Variants in GOLGA1 observed in about 807,000 individuals in gnomAD.
GOLGA1 encodes the protein golgin subfamily A member 1.
In GOLGA1, 63 loss-of-function variants were observed where a neutral mutation model predicts 119.7. The ratio of observed to expected loss-of-function variants is 0.53; its 90% CI spans 0.43 to 0.65. The LOEUF (loss-of-function observed/expected upper bound fraction) is 0.65, where lower values mean the gene tolerates loss of function less well. Among genes scored for constraint, GOLGA1 ranks in the 30% least tolerant of loss-of-function variants. The probability of loss-of-function intolerance (pLI) is 0.00; values close to 1 mark genes in which losing one functional copy is unlikely to be tolerated. For missense variants in GOLGA1, 798 were observed against 912.8 expected, an observed-to-expected ratio of 0.87 and a Z score of 1.62; for synonymous variants, 318 against 333.4, an observed-to-expected ratio of 0.95 and a Z score of 0.50.
chr9:124,917,396 C>T (rs912601172), intron 10 of GOLGA1, among the ~76,000 whole-genome samples: 3 of 152,162 alleles, frequency 2.0e-5, no homozygotes, highest in Admixed American at 2.0e-4. Context: ...AATCTTCACA[C>T]AATACCAGCC....
intron 20 of GOLGA1, 27 bp downstream of exon 20, chr9:124,882,483 G>A: frequency 4.4e-6 from 7 of 1,580,204 alleles, no homozygotes; most frequent in Non-Finnish European, 5.2e-6. Context: ...GCTGGGAAGT[G>A]GGGCCAGCTC....
intron 7 of GOLGA1, 59 bp from the exon 8 acceptor site, chr9:124,923,282 G>C: frequency 7.2e-7 from 1 of 1,384,848 alleles, no homozygotes; most frequent in Non-Finnish European, 9.9e-7. Context: ...TCTGTATTAC[G>C]AAAGTGAAAA....
chr9:124,892,325 T>G (rs528206694), intron 15 of GOLGA1, among the ~76,000 whole-genome samples: 2 of 152,348 alleles, frequency 1.3e-5, no homozygotes, highest in African/African-American at 4.8e-5. Context: ...GATTTGTGCC[T>G]TCTTCTGACT....
chr9:124,932,488 G>C (rs1488001585), intron 3 of GOLGA1, among the ~76,000 whole-genome samples: 12 of 152,146 alleles, frequency 7.9e-5, no homozygotes, highest in Non-Finnish European at 2.9e-5. Flanking sequence ...TAAGAACTTA[G>C]GCTCATTACT....
At chr9:124,921,383 C>T in intron 9 of GOLGA1, 143 bp from the exon 10 acceptor site, 1 of 643,442 alleles carries the variant, frequency 1.6e-6, no homozygotes. Flanking sequence ...CGGAAAAAGC[C>T]TCGGCTCTCT....
At chr9:124,921,045 T>C (rs562580424) in intron 10 of GOLGA1, 84 bp downstream of exon 10, 12 of 823,996 alleles carry the variant, frequency 1.5e-5, no homozygotes, top group Non-Finnish European at 2.6e-5. Context: ...GTATGTTCAG[T>C]AGCTACTCTC....
chr9:124,941,966 A>G (rs1246246839), upstream of GOLGA1, among the ~76,000 whole-genome samples: 1 of 152,046 alleles, frequency 6.6e-6, no homozygotes, highest in Admixed American at 6.6e-5. Context: ...AAAAGAGGAA[A>G]AACTATCTTG....
chr9:124,906,856 A>G (rs891970233), intron 12 of GOLGA1, among the ~76,000 whole-genome samples: 3 of 152,180 alleles, frequency 2.0e-5, no homozygotes, highest in African/African-American at 7.2e-5. Context: ...AAAAATGTAA[A>G]ATTTTAATAA....
Position 124,918,672 on chromosome 9 carries a change from C to A in GOLGA1, c.843+2457G>T, listed in dbSNP as rs1830501173. Among the ~76,000 whole-genome samples the A allele has an allele frequency of 6.6e-5, 10 of 152,214 alleles. No individual in the cohort carries two copies. In the South Asian group the frequency reaches 2.1e-3, roughly 32 times the overall value. On this transcript the variant is annotated intron_variant, in intron 10 of 22. Transcript: ENST00000373555. ...TCAGGAGGCTGAGGTGGGAGGATTGCTTGAGCCTAGGAGGTGGAGGTTGCA... is the reference window on the plus strand; with the variant it reads ...TCAGGAGGCTGAGGTGGGAGGATTGATTGAGCCTAGGAGGTGGAGGTTGCA...
chr9:124,880,357 T>C lies in GOLGA1; in HGVS notation c.*173A>G. ...CAGAATGACAGGATCAGCTACCCCC[T>C]GAGGTTCAGGTCAGCCTGCAGGGAA... is the stretch of plus-strand genomic sequence containing the variant. On this transcript the variant is annotated 3_prime_UTR_variant, in exon 23 of 23. Coordinates refer to ENST00000373555, the MANE Select transcript of GOLGA1 (RefSeq NM_002077.4). The C allele has an allele frequency of 5.8e-6, 3 of 514,048 alleles. No homozygotes were observed. Among genetic ancestry groups the C allele is most frequent in the Non-Finnish European group, 1.1e-5 (3 of 274,344 alleles). 31.8% of individuals were successfully genotyped at this position (514,048 alleles called of 1,614,324 possible).
chr9:124,907,826 T>G (rs562320545), intron 12 of GOLGA1, among the ~76,000 whole-genome samples: 1 of 152,148 alleles, frequency 6.6e-6, no homozygotes, highest in East Asian at 1.9e-4. Context: ...CAGAAAGGCA[T>G]ATATAGGAAC....
At chr9:124,883,264 T>C (rs1198291321) in intron 19 of GOLGA1, among the ~76,000 whole-genome samples, 1 of 150,774 alleles carries the variant, frequency 6.6e-6, no homozygotes, top group African/African-American at 2.4e-5. Flanking sequence ...GCCCGACTCA[T>C]TTTTGTCTTT....
intron 7 of GOLGA1, 33 bp downstream of exon 7, chr9:124,926,676 A>G (rs760556006): frequency 8.8e-6 from 13 of 1,472,844 alleles, no homozygotes; most frequent in African/African-American, 1.4e-5. Context: ...GACGAGACCA[A>G]CAAAAATGAG....
intron 11 of GOLGA1, among the ~76,000 whole-genome samples, chr9:124,909,501 G>A (rs1392099038): frequency 2.0e-5 from 3 of 151,420 alleles, no homozygotes; most frequent in Non-Finnish European, 2.9e-5. Context: ...CCAGCTACTC[G>A]GGATGCTGAG....
chr9:124,925,273 AAG>A (rs1418387131), intron 7 of GOLGA1, among the ~76,000 whole-genome samples: 1 of 152,156 alleles, frequency 6.6e-6, no homozygotes, highest in Non-Finnish European at 1.5e-5. Context: ...CCATAATCTT[AAG>A]AGTTTCTTTT....
intron 5 of GOLGA1, among the ~76,000 whole-genome samples, chr9:124,928,617 T>G (rs567445426): frequency 4.5e-4 from 68 of 152,286 alleles, no homozygotes; most frequent in African/African-American, 1.6e-3. Context: ...AAGCTGATGC[T>G]AAGTGATGGC....
In GOLGA1 at chr9:124,923,185, C is replaced by G; in HGVS notation, c.471G>C (p.Lys157Asn). 6.3e-7 allele frequency: 1 copy of G among 1,596,892 alleles called. No individual in the cohort carries two copies. Among genetic ancestry groups the G allele is most frequent in the African/African-American group, 1.3e-5 (1 of 74,728 alleles). ...TTTGGAAAAGATTCATACTCTGGTT[C>G]TTCATTTCCTGTAACTGGGCTGTCA... ...NILTAQLQEM[K>N]NQSMNLFQRR... Residue 157 changes from lysine to asparagine, a missense_variant, in exon 8 of 23, where the codon AAG becomes AAC. Lys to Asn is a moderately conservative substitution (Grantham distance 94). Coordinates refer to ENST00000373555, the MANE Select transcript of GOLGA1 (RefSeq NM_002077.4).
chr9:124,938,628 A>G lies in GOLGA1; in HGVS notation c.84T>C (p.Ser28=). ...RPGGATRIPR[S]VSKESVASMG... is the part of the protein sequence containing the mutation. ...TTGAGGCAACTGATTCCTTGCTCAC[A>G]GACCGTGGGATCCTAGTAGCACCTC... The change falls in exon 3 of 23, where the codon TCT becomes TCC. Residue 28 remains serine (S), a synonymous_variant. Coordinates refer to ENST00000373555, the MANE Select transcript of GOLGA1 (RefSeq NM_002077.4). The G allele has an allele frequency of 6.2e-7, 1 of 1,613,546 alleles. No individual in the cohort carries two copies. Among genetic ancestry groups the G allele is most frequent in the South Asian group, 1.1e-5 (1 of 91,058 alleles).
intron 2 of GOLGA1, among the ~76,000 whole-genome samples, chr9:124,939,556 T>TC (rs1830956166): frequency 8.3e-6 from 1 of 120,242 alleles, no homozygotes; most frequent in African/African-American, 3.3e-5. Context: ...CTTTCTTTTT[T>TC]TTTTTTTTTT....
Sources: gnomAD v4.1 joint callset for allele counts (sites outside exome capture counted in the v4.1 genomes callset) on GRCh38, gnomAD v4.1.1 for gene constraint, MANE v1.5 for transcripts, NCBI Gene and HGNC (gene_info 2026-07-23, HGNC 2026-07-21) for gene names.